The following GOT2 variants were observed in gnomAD, a reference collection of about 807,000 sequenced individuals.
GOT2 encodes glutamic-oxaloacetic transaminase 2, also known as aspartate aminotransferase, mitochondrial.
Under a neutral mutation model 50.0 loss-of-function variants are expected in GOT2, and 17 were observed. The observed-to-expected ratio is 0.34, with a 90% CI of 0.23 to 0.51. GOT2 has a LOEUF of 0.51. Ranked by LOEUF, GOT2 falls within the 20% of genes least tolerant of loss-of-function variation. GOT2 has a pLI of 0.97. For synonymous variants in GOT2, 172 were observed against 204.9 expected (o/e 0.84, Z 1.37); for missense variants, 430 against 559.6 (o/e 0.77, Z 2.34).
intron 1 of GOT2, chr16:58,733,914 G>A (rs963927639): frequency 2.3e-5 from 9 of 396,038 alleles, no homozygotes; most frequent in African/African-American, 1.6e-4. Context: ...AGGGCCCAGT[G>A]CGGGGACCAG....
At chr16:58,730,528 G>A (rs920330978) in intron 1 of GOT2, among the ~76,000 whole-genome samples, 7 of 151,938 alleles carry the variant, frequency 4.6e-5, no homozygotes, top group Non-Finnish European at 7.4e-5. Flanking sequence ...GTGTGCCACC[G>A]TGCCTGGCTA....
chr16:58,716,364 G>T, intron 7 of GOT2, 185 bp from the exon 8 acceptor site: 1 of 624,104 alleles, frequency 1.6e-6, no homozygotes, highest in Non-Finnish European at 2.7e-6. Flanking sequence ...TGAGTACTCA[G>T]AGTATTCAAA....
chr16:58,709,758 A>G (rs1343649898), intron 8 of GOT2, among the ~76,000 whole-genome samples, 191 bp from the exon 9 acceptor site: 1 of 152,198 alleles, frequency 6.6e-6, no homozygotes, highest in African/African-American at 2.4e-5. Flanking sequence ...TTGGAACACT[A>G]TTTCCATAAG....
chr16:58,711,764 A>C (rs1369425220), intron 8 of GOT2, among the ~76,000 whole-genome samples: 1 of 152,176 alleles, frequency 6.6e-6, no homozygotes, highest in Non-Finnish European at 1.5e-5. Context: ...TCCATCGTCC[A>C]GCTTCATTCA....
At chr16:58,717,677 GA>G (rs1382901024) in intron 6 of GOT2, among the ~76,000 whole-genome samples, 1 of 152,024 alleles carries the variant, frequency 6.6e-6, no homozygotes, top group East Asian at 1.9e-4. Context: ...CCAGGATGAG[GA>G]AAAAAATTAT....
chr16:58,716,554 G>A, intron 7 of GOT2, 109 bp downstream of exon 7: 1 of 836,620 alleles, frequency 1.2e-6, no homozygotes, highest in South Asian at 1.7e-5. Context: ...ACATGGACAT[G>A]GATGGACACA....
intron 1 of GOT2, 64 bp downstream of exon 1, chr16:58,734,076 G>C: frequency 8.7e-6 from 8 of 919,946 alleles, no homozygotes; most frequent in Non-Finnish European, 1.2e-5. Context: ...AATGTCCTGG[G>C]GTGCTCGCAG....
chr16:58,724,313 C>T (rs951875462), intron 1 of GOT2, among the ~76,000 whole-genome samples: 4 of 145,334 alleles, frequency 2.8e-5, no homozygotes, highest in Non-Finnish European at 4.5e-5. Context: ...GACAGAGTCT[C>T]GCTCTGTCAC....
chr16:58,723,832 C>T lies in GOT2; in HGVS notation c.160G>A (p.Asp54Asn). Residue 54 changes from aspartate (D) to asparagine (N), a missense_variant, in exon 2 of 10, where the codon GAC (aspartate) becomes AAC (asparagine). Asp to Asn is a conservative substitution (Grantham distance 23). Transcript: ENST00000245206. ...ILGVTEAFKRDTNSKKMNLGV... is the reference protein window; with the variant it reads ...ILGVTEAFKRNTNSKKMNLGV... ...AGATTCATCTTTTTGCTATTGGTGT[C>T]CCTCTTAAAGGCTTCAGTGACTCCC... 2 of 1,613,128 alleles carry T rather than the reference C, an allele frequency of 1.2e-6. No individual in the cohort carries two copies. Among genetic ancestry groups the T allele is most frequent in the Non-Finnish European group, 1.7e-6 (2 of 1,179,130 alleles).
chr16:58,719,485 C>T (rs779524901), intron 3 of GOT2, among the ~76,000 whole-genome samples: 2 of 152,268 alleles, frequency 1.3e-5, no homozygotes, highest in South Asian at 4.1e-4. Context: ...AGGCTGGGTG[C>T]GGTGGCTCAT....
At chr16:58,732,248 G>A (rs1407853761) in intron 1 of GOT2, among the ~76,000 whole-genome samples, 1 of 152,062 alleles carries the variant, frequency 6.6e-6, no homozygotes, top group Non-Finnish European at 1.5e-5. Flanking sequence ...AGGCTGCAGT[G>A]AGCCATGATT....
At chr16:58,722,908 T>C (rs1261159692) in intron 2 of GOT2, among the ~76,000 whole-genome samples, 2 of 152,130 alleles carry the variant, frequency 1.3e-5, no homozygotes, top group South Asian at 4.1e-4. Flanking sequence ...GATGATTAAA[T>C]CAAACTAAAT....
chr16:58,710,187 C>G (rs1232967665), intron 8 of GOT2, among the ~76,000 whole-genome samples: 1 of 151,974 alleles, frequency 6.6e-6, no homozygotes, highest in Non-Finnish European at 1.5e-5. Context: ...TGTGAGCCAC[C>G]ACGCCTGGCC....
At chr16:58,715,559 A>G (rs1016376249) in intron 8 of GOT2, among the ~76,000 whole-genome samples, 1 of 151,952 alleles carries the variant, frequency 6.6e-6, no homozygotes, top group Admixed American at 6.6e-5. Context: ...ATCTATCTAT[A>G]TATATAGATT....
At chr16:58,718,768 A>G (rs1381009701) in intron 4 of GOT2, 80 bp from the exon 5 acceptor site, 1 of 1,194,674 alleles carries the variant, frequency 8.4e-7, no homozygotes, top group Admixed American at 2.5e-5. Flanking sequence ...TTGAGAGAAC[A>G]TTTTTCTCTG....
At chr16:58,717,245 A>G (rs930436736) in intron 6 of GOT2, among the ~76,000 whole-genome samples, 4 of 152,076 alleles carry the variant, frequency 2.6e-5, no homozygotes, top group African/African-American at 9.7e-5. Flanking sequence ...CAGGTGTGGC[A>G]CACATGTCTG....
intron 8 of GOT2, among the ~76,000 whole-genome samples, chr16:58,710,014 A>C (rs1485197426): frequency 6.6e-6 from 1 of 152,174 alleles, no homozygotes; most frequent in Non-Finnish European, 1.5e-5. Context: ...GAGCATGTTT[A>C]AAGTATGCTA....
At chr16:58,731,463 GT>G (rs1327805380) in intron 1 of GOT2, among the ~76,000 whole-genome samples, 1 of 152,170 alleles carries the variant, frequency 6.6e-6, no homozygotes, top group African/African-American at 2.4e-5. Flanking sequence ...TTAACCAATG[GT>G]TATGGTACCA....
rs1440659320 is a variant in GOT2, at chr16:58,726,322, A to C, written c.90-2420T>G. Among the ~76,000 whole-genome samples, 8 of 152,008 alleles carry C rather than the reference A, an allele frequency of 5.3e-5. No individual in the cohort carries two copies. The East Asian group carries it at 1.5e-3, about 29-fold the overall frequency. On this transcript the variant is annotated intron_variant, in intron 1 of 9. Coordinates refer to ENST00000245206, the MANE Select transcript of GOT2 (RefSeq NM_002080.4). ...TGCCTCAGCCTCCCAAGTAGCTGGG[A>C]TTACAAACTCCTGCCACCATGCGCA...
Sources: allele counts gnomAD v4.1 joint callset (sites outside exome capture counted in the v4.1 genomes callset), GRCh38; gene constraint gnomAD v4.1.1; transcripts MANE v1.5; gene names NCBI Gene and HGNC (gene_info 2026-07-23, HGNC 2026-07-21).